Variants in CDC42SE2 observed in about 807,000 individuals in gnomAD.
CDC42SE2 encodes the protein CDC42 small effector protein 2.
CDC42SE2 carries 3 observed loss-of-function variants against 11.5 expected under a neutral mutation model. The observed-to-expected ratio is 0.26, with a 90% CI of 0.12 to 0.67. The LOEUF is 0.67. Ranked by LOEUF, CDC42SE2 falls within the 30% of genes least tolerant of loss-of-function variation. The probability of loss-of-function intolerance (pLI) is 0.80; values close to 1 mark genes in which losing one functional copy is unlikely to be tolerated. For missense variants in CDC42SE2, 82 were observed against 106.8 expected (o/e 0.77, Z 1.02); for synonymous variants, 33 against 34.8 (o/e 0.95, Z 0.18).
At chr5:131,339,921 A>G (rs1758673334) in intron 2 of CDC42SE2, among the ~76,000 whole-genome samples, 1 of 152,170 alleles carries the variant, frequency 6.6e-6, no homozygotes, top group Non-Finnish European at 1.5e-5. Flanking sequence ...TCCTAAATAT[A>G]TAAAAATGAA....
At chr5:131,344,757 G>A (rs1038106690) in intron 2 of CDC42SE2, among the ~76,000 whole-genome samples, 1 of 152,174 alleles carries the variant, frequency 6.6e-6, no homozygotes, top group African/African-American at 2.4e-5. Context: ...CCCAGTAGGG[G>A]CTGACTGACA....
intron 2 of CDC42SE2, among the ~76,000 whole-genome samples, chr5:131,335,422 G>A (rs540788394): frequency 6.6e-6 from 1 of 152,314 alleles, no homozygotes; most frequent in Non-Finnish European, 1.5e-5. Context: ...GTGGTGTGGT[G>A]CTGAGAAGAA....
At chr5:131,245,307 A>C (rs978326398), upstream of CDC42SE2, among the ~76,000 whole-genome samples, 1 of 152,096 alleles carries the variant, frequency 6.6e-6, no homozygotes, top group Admixed American at 6.6e-5. Flanking sequence ...CATAATTGAT[A>C]CTGTTCTGGG....
chr5:131,247,922 T>C (rs1454786827), intron 1 of CDC42SE2, among the ~76,000 whole-genome samples: 1 of 152,154 alleles, frequency 6.6e-6, no homozygotes, highest in East Asian at 1.9e-4. Flanking sequence ...ATTACAGCCA[T>C]GAGCCACCAT....
the CDC42SE2 span, among the ~76,000 whole-genome samples, chr5:131,215,249 G>C: frequency 6.6e-6 from 1 of 152,130 alleles, no homozygotes; most frequent in Non-Finnish European, 1.5e-5. Context: ...CTGGGCTTCT[G>C]TTTCTTTTCC....
Position 131,393,761 on chromosome 5 carries a change from C to T in CDC42SE2, c.*2670C>T, listed in dbSNP as rs143836802. The T allele has an allele frequency of 1.4e-4, 21 of 151,464 alleles. No individual in the cohort carries two copies. The East Asian group carries it at 2.9e-3, about 21-fold the overall frequency. 9.4% of individuals were successfully genotyped at this position (151,464 alleles called of 1,614,324 possible). On this transcript the variant is annotated 3_prime_UTR_variant, in exon 5 of 5. Transcript: ENST00000505065. Reference sequence around the variant, plus strand: ...TCATATAACTCCTGGAACAATAGTACGGGAAGCCGTGATCCTTTTCCCTGA... The same window carrying T: ...TCATATAACTCCTGGAACAATAGTATGGGAAGCCGTGATCCTTTTCCCTGA...
chr5:131,280,462 AG>A (rs1378355576), intron 1 of CDC42SE2, among the ~76,000 whole-genome samples: 1 of 152,208 alleles, frequency 6.6e-6, no homozygotes, highest in Non-Finnish European at 1.5e-5. Context: ...TCAGTTTGAA[AG>A]GGTCATATTG....
rs567981333 is a variant in CDC42SE2 at position 131,283,840 on chromosome 5, A to G, written c.-455+19674A>G. Among the ~76,000 whole-genome samples, 5 of 152,230 alleles carry G rather than the reference A, an allele frequency of 3.3e-5. No homozygotes were observed. The East Asian group carries it at 9.6e-4, about 29-fold the overall frequency. ...ATATTATTCTGTTGAATGCTTATAC[A>G]GTATTTTATTTGTCCATTTATCAGT... is the stretch of plus-strand genomic sequence containing the variant. On this transcript the variant is annotated intron_variant, in intron 1 of 4. Transcript: ENST00000505065.
At chr5:131,388,803 C>T (rs1349660068) in intron 4 of CDC42SE2, among the ~76,000 whole-genome samples, 2 of 152,114 alleles carry the variant, frequency 1.3e-5, no homozygotes, top group East Asian at 3.8e-4. Flanking sequence ...ATCTGCTTGG[C>T]ATTATTGAAT....
rs377082180 is a variant in CDC42SE2 at position 131,391,050 on chromosome 5, G to C, written c.214G>C (p.Ala72Pro). ...GGGAGGTTATGGAGGTGGAATGCCT[G>C]CCAATGTCCAGATGCAGCTCGTGGA... ...SKGGYGGGMP[A>P]NVQMQLVDTK... The change falls in exon 5 of 5, where the codon GCC (alanine) becomes CCC (proline). Residue 72 changes from alanine (A) to proline (P), a missense_variant. Physicochemically the swap from Ala to Pro is conservative, Grantham distance 27. Coordinates refer to ENST00000505065, the MANE Select transcript of CDC42SE2 (RefSeq NM_001375635.1). 9.6e-5 allele frequency: 155 copies of C among 1,613,218 alleles called. No individual in the cohort carries two copies. The highest frequency in any genetic ancestry group is 1.3e-4 in the Non-Finnish European group (152 of 1,179,484).
chr5:131,363,666 C>G (rs972927285), intron 3 of CDC42SE2, among the ~76,000 whole-genome samples: 1 of 149,880 alleles, frequency 6.7e-6, no homozygotes, highest in Non-Finnish European at 1.5e-5. Context: ...TGTGAGCCAC[C>G]GCGCCCGGCC....
At chr5:131,270,065 A>G (rs538307976) in intron 1 of CDC42SE2, among the ~76,000 whole-genome samples, 1 of 150,184 alleles carries the variant, frequency 6.7e-6, no homozygotes, top group Non-Finnish European at 1.5e-5. Context: ...TCTCAAAAAA[A>G]CAAAAAAACA....
intron 1 of CDC42SE2, among the ~76,000 whole-genome samples, chr5:131,304,824 TAAA>T (rs557584401): frequency 1.4e-3 from 214 of 152,304 alleles, no homozygotes; most frequent in Admixed American, 4.0e-3. Flanking sequence ...TTTAATGCAT[TAAA>T]AGGATCTTGC....
chr5:131,257,348 C>T (rs112339433), intron 2 of CDC42SE2, among the ~76,000 whole-genome samples: 245 of 152,088 alleles, frequency 1.6e-3, no homozygotes, highest in African/African-American at 5.5e-3. Context: ...CTGTCTGCCT[C>T]GGCCTCCCAA....
At chr5:131,343,068 G>T (rs1209074967) in intron 2 of CDC42SE2, among the ~76,000 whole-genome samples, 1 of 152,032 alleles carries the variant, frequency 6.6e-6, no homozygotes, top group Admixed American at 6.6e-5. Flanking sequence ...CATTTTACAG[G>T]ATGGTTTTAT....
rs549001834 is a variant in CDC42SE2 at position 131,365,829 on chromosome 5, A to T, written c.54+6282A>T. 2.0e-5 allele frequency among the ~76,000 whole-genome samples: 3 copies of T among 152,248 alleles called. No individual in the cohort carries two copies. In the South Asian group the frequency reaches 6.2e-4, roughly 32 times the overall value. Reference sequence around the variant, plus strand: ...AACCCCGTCTCTACTAAAAATACAAAAAATTAGCCGGGTGTGGTGGCGGGT... The same window carrying T: ...AACCCCGTCTCTACTAAAAATACAATAAATTAGCCGGGTGTGGTGGCGGGT... On this transcript the variant is annotated intron_variant, in intron 3 of 4. Transcript: ENST00000505065.
intron 2 of CDC42SE2, among the ~76,000 whole-genome samples, chr5:131,352,513 AG>A (rs1213556867): frequency 2.0e-5 from 3 of 152,162 alleles, no homozygotes; most frequent in Admixed American, 1.3e-4. Context: ...TTTAAATATA[AG>A]GAAAAAATTA....
At position 131,392,618 on chromosome 5, in the gene CDC42SE2, G is replaced by C. The variant is rs1281962299; in HGVS notation, c.*1527G>C. On this transcript the variant is annotated 3_prime_UTR_variant, in exon 5 of 5. Coordinates refer to ENST00000505065, the MANE Select transcript of CDC42SE2 (RefSeq NM_001375635.1). ...TTCAATATATTTATTTTGAGAGCAA[G>C]GACCTGTGGTTGTAAACAGGTGTGG... The C allele has an allele frequency of 6.6e-6, 1 of 152,324 alleles. No individual in the cohort carries two copies. The highest frequency in any genetic ancestry group is 2.4e-5 in the African/African-American group (1 of 41,444). The allele number at this position is 152,324 out of a possible 1,614,324, so 9.4% of individuals were successfully genotyped here. A position where few individuals can be genotyped will look rare whatever the true frequency, so the allele number is the denominator to read the frequency against.
chr5:131,349,860 CTAT>C (rs755530683), intron 2 of CDC42SE2, among the ~76,000 whole-genome samples: 7 of 152,198 alleles, frequency 4.6e-5, no homozygotes, highest in East Asian at 3.9e-4. Context: ...ATTTAATATA[CTAT>C]TATTCTAGGA....
Sources: gnomAD v4.1 joint callset for allele counts (sites outside exome capture counted in the v4.1 genomes callset) on GRCh38, gnomAD v4.1.1 for gene constraint, MANE v1.5 for transcripts, NCBI Gene and HGNC (gene_info 2026-07-23, HGNC 2026-07-21) for gene names.